The following EVI5 variants were observed in gnomAD, a reference collection of about 807,000 sequenced individuals.
EVI5 encodes ecotropic viral integration site 5 protein homolog.
A neutral mutation model predicts 112.0 loss-of-function variants in EVI5; 73 were observed. The ratio of observed to expected loss-of-function variants is 0.65; its 90% confidence interval spans 0.54 to 0.79. EVI5 has a LOEUF of 0.79. Ranked by LOEUF, EVI5 falls within the 30% of genes least tolerant of loss-of-function variation. The probability of loss-of-function intolerance (pLI) is 0.00; values close to 1 mark genes in which losing one functional copy is unlikely to be tolerated. For missense variants in EVI5, 900 were observed against 968.8 expected (o/e 0.93, Z 0.94); for synonymous variants, 305 against 319.9 (o/e 0.95, Z 0.50).
intron 2 of EVI5, chr1:92,733,190 T>A: frequency 4.4e-6 from 1 of 225,570 alleles, no homozygotes; most frequent in Non-Finnish European, 9.9e-6. Context: ...TATAAAATGG[T>A]GGAAATAAAA....
At chr1:92,670,147 CT>C (rs1293225842) in intron 10 of EVI5, among the ~76,000 whole-genome samples, 3 of 152,210 alleles carry the variant, frequency 2.0e-5, no homozygotes, top group Non-Finnish European at 4.4e-5. Context: ...ATTAATTCTA[CT>C]TTTTATAACT....
chr1:92,768,099 C>T (rs1226324731), intron 1 of EVI5, among the ~76,000 whole-genome samples: 3 of 140,804 alleles, frequency 2.1e-5, no homozygotes, highest in African/African-American at 7.8e-5. Flanking sequence ...AAAAAGAGAA[C>T]TCATATAAGC....
intron 9 of EVI5, among the ~76,000 whole-genome samples, chr1:92,686,048 T>C (rs1185892541): frequency 2.0e-5 from 3 of 152,236 alleles, no homozygotes; most frequent in African/African-American, 7.2e-5. Flanking sequence ...GCTCATTTTA[T>C]GAGGCTAGCA....
intron 19 of EVI5, among the ~76,000 whole-genome samples, chr1:92,548,302 TCATG>T (rs1481115092): frequency 2.0e-5 from 3 of 152,202 alleles, no homozygotes; most frequent in Non-Finnish European, 4.4e-5. Flanking sequence ...CAACAGCCCT[TCATG>T]CTAAAAACTC....
At chr1:92,661,815 C>T (rs540248416) in intron 13 of EVI5, among the ~76,000 whole-genome samples, 25 of 152,196 alleles carry the variant, frequency 1.6e-4, no homozygotes, top group African/African-American at 6.0e-4. Context: ...AAAAGAACGT[C>T]CTACTTTGCA....
chr1:92,595,247 G>T (rs1647404565), intron 18 of EVI5, among the ~76,000 whole-genome samples: 1 of 151,816 alleles, frequency 6.6e-6, no homozygotes, highest in South Asian at 2.1e-4. Flanking sequence ...AAAAAAGGAT[G>T]AGTTCATGTC....
At chr1:92,760,549 T>C (rs1040864165) in intron 1 of EVI5, among the ~76,000 whole-genome samples, 13 of 149,800 alleles carry the variant, frequency 8.7e-5, no homozygotes, top group Non-Finnish European at 1.5e-4. Flanking sequence ...CTGGCCAACA[T>C]GGTAAAACTC....
At chr1:92,647,619 T>C in intron 13 of EVI5, 1 of 434,802 alleles carries the variant, frequency 2.3e-6, no homozygotes, top group Non-Finnish European at 4.3e-6. Context: ...TTCCCTCTGG[T>C]TTCTTGGGAT....
At chr1:92,680,205 C>T (rs1006900470) in intron 9 of EVI5, among the ~76,000 whole-genome samples, 2 of 152,110 alleles carry the variant, frequency 1.3e-5, no homozygotes, top group Non-Finnish European at 2.9e-5. Context: ...ATTTCAAAGG[C>T]TTACAAAAAA....
In EVI5 at chr1:92,757,731, G is replaced by A. The variant is rs148263683; in HGVS notation, c.-81-21104C>T. Among the ~76,000 whole-genome samples the A allele has an allele frequency of 5.7e-3, 862 of 151,512 alleles. 16 individuals are homozygous for A. Among genetic ancestry groups the A allele is most frequent in the Middle Eastern group, 0.024 (7 of 294 alleles). On this transcript the variant is annotated intron_variant, in intron 1 of 19. Transcript: ENST00000684568. ...AGCCTGGCCAACATGACAAAACCCC[G>A]TCTCTATTAAAGATACAAAAATTAG...
intron 1 of EVI5, among the ~76,000 whole-genome samples, chr1:92,774,367 C>A (rs933849014): frequency 2.0e-5 from 3 of 152,154 alleles, no homozygotes; most frequent in Non-Finnish European, 1.5e-5. Context: ...TCTGCTAACG[C>A]TGTTCTGATA....
At chr1:92,570,883 C>T (rs2100989402) in intron 18 of EVI5, among the ~76,000 whole-genome samples, 1 of 151,936 alleles carries the variant, frequency 6.6e-6, no homozygotes, top group Non-Finnish European at 1.5e-5. Flanking sequence ...AACAGTGAAG[C>T]TAAGAAATTT....
chr1:92,685,948 C>T (rs76235493), intron 9 of EVI5, among the ~76,000 whole-genome samples: 1 of 152,158 alleles, frequency 6.6e-6, no homozygotes, highest in Non-Finnish European at 1.5e-5. Context: ...GATGGATTCA[C>T]AGTCAAATTC....
At chr1:92,589,954 C>G (rs1337246851) in intron 18 of EVI5, among the ~76,000 whole-genome samples, 1 of 152,176 alleles carries the variant, frequency 6.6e-6, no homozygotes, top group Non-Finnish European at 1.5e-5. Context: ...ATTTGCTGTT[C>G]ACCAATATCC....
intron 14 of EVI5, among the ~76,000 whole-genome samples, chr1:92,629,486 C>A (rs371202737): frequency 1.3e-5 from 2 of 152,054 alleles, no homozygotes; most frequent in African/African-American, 4.8e-5. Context: ...CTATAAGAAA[C>A]CTGAAGTTCT....
chr1:92,569,589 C>T (rs1669992580), intron 18 of EVI5, among the ~76,000 whole-genome samples: 1 of 152,044 alleles, frequency 6.6e-6, no homozygotes, highest in Non-Finnish European at 1.5e-5. Context: ...GGCGCGGTGG[C>T]TCATGCCTGA....
intron 19 of EVI5, among the ~76,000 whole-genome samples, chr1:92,522,631 CA>C (rs61277173): frequency 1.6e-4 from 11 of 70,480 alleles, no homozygotes; most frequent in South Asian, 1.5e-3. Flanking sequence ...ACTCCATCTC[CA>C]AAAAAAAAAA....
chr1:92,665,591 A>G (rs1017190245), intron 11 of EVI5, among the ~76,000 whole-genome samples: 3 of 152,256 alleles, frequency 2.0e-5, no homozygotes, highest in Non-Finnish European at 4.4e-5. Context: ...TAGAAAGTCC[A>G]GGGCAACATT....
At chr1:92,687,820 T>C (rs866061964) in intron 9 of EVI5, among the ~76,000 whole-genome samples, 83 of 152,118 alleles carry the variant, frequency 5.5e-4, no homozygotes, top group African/African-American at 2.0e-3. Flanking sequence ...AGAATGCAAA[T>C]CAAAACCACA....
Sources: allele counts gnomAD v4.1 joint callset (sites outside exome capture counted in the v4.1 genomes callset), GRCh38; gene constraint gnomAD v4.1.1; transcripts MANE v1.5; gene names NCBI Gene and HGNC (gene_info 2026-07-23, HGNC 2026-07-21).